RASGRF1: variants seen among roughly 807,000 people sequenced by gnomAD.
RASGRF1 encodes the protein Ras protein specific guanine nucleotide releasing factor 1, also known as ras-specific guanine nucleotide-releasing factor 1.
A neutral mutation model predicts 138.7 loss-of-function variants in RASGRF1; 40 were observed. The ratio of observed to expected loss-of-function variants is 0.29; its 90% confidence interval spans 0.22 to 0.38. RASGRF1 has a LOEUF of 0.38. RASGRF1 is among the 10% of genes least tolerant of loss of function. The pLI is 1.00. For missense variants in RASGRF1, 1,108 were observed against 1,650.4 expected (o/e 0.67, Z 5.69); for synonymous variants, 614 against 663.2 (o/e 0.93, Z 1.14).
At chr15:79,000,015 C>T in intron 16 of RASGRF1, 102 bp from the exon 17 acceptor site, 1 of 1,265,164 alleles carries the variant, frequency 7.9e-7, no homozygotes, top group Non-Finnish European at 1.1e-6. Context: ...TAAGAGCCAG[C>T]AGGCTGTGTC....
At chr15:79,007,239 C>A (rs2056696897) in intron 13 of RASGRF1, among the ~76,000 whole-genome samples, 1 of 152,194 alleles carries the variant, frequency 6.6e-6, no homozygotes, top group Non-Finnish European at 1.5e-5. Context: ...TGCTTGTGAA[C>A]TTGAGGTCAG....
chr15:79,035,224 C>T lies in RASGRF1; in HGVS notation c.879-14G>A. 3.7e-6 allele frequency: 6 copies of T among 1,606,924 alleles called. No homozygotes were observed. The highest frequency in any genetic ancestry group is 5.1e-6 in the Non-Finnish European group (6 of 1,174,998). The stretch of plus-strand genomic sequence containing the variant: ...ATGATGGTTTCGCTGAAAGAGAAAG[C>T]ACAGGGTCAGCTCTGCCCCAGGGAC... On this transcript the variant is annotated splice_polypyrimidine_tract_variant and intron_variant, in intron 5 of 26. Transcript: ENST00000558480.
At chr15:79,033,209 G>A (rs1450946722) in intron 6 of RASGRF1, among the ~76,000 whole-genome samples, 1 of 152,106 alleles carries the variant, frequency 6.6e-6, no homozygotes, top group African/African-American at 2.4e-5. Context: ...GATTTGATAG[G>A]CTGGGATGGG....
chr15:78,965,171 A>G (rs567487863), intron 26 of RASGRF1, among the ~76,000 whole-genome samples: 8 of 152,342 alleles, frequency 5.3e-5, no homozygotes, highest in African/African-American at 1.7e-4. Context: ...CTGTCAGCAG[A>G]GTAGGCTTGT....
In RASGRF1 at chr15:79,006,091, A is replaced by AG. The variant is rs1371233095; in HGVS notation, c.2075+94_2075+95insC. 4.4e-5 allele frequency: 68 copies of AG among 1,536,410 alleles called. No homozygotes were observed. The highest frequency in any genetic ancestry group is 5.8e-5 in the Non-Finnish European group (65 of 1,127,716). ...ACACGTTACTGCTGCTCCTCCAGGG[A>AG]CCTTCCAGGTCACCCCCCGGCCCCG... On this transcript the variant is annotated intron_variant, in intron 14 of 26. Coordinates refer to ENST00000558480, the MANE Select transcript of RASGRF1 (RefSeq NM_001145648.3). This position sits in a 1 kb window ranked among gnomAD's most constrained non-coding sequence, Gnocchi z 4.0.
chr15:79,028,053 G>A (rs1216122479), intron 8 of RASGRF1, among the ~76,000 whole-genome samples, 194 bp from the exon 9 acceptor site: 1 of 152,166 alleles, frequency 6.6e-6, no homozygotes, highest in African/African-American at 2.4e-5. Flanking sequence ...TCATAGGCAC[G>A]ACCTCATTTT....
At chr15:78,971,168 C>A (rs575622501) in intron 26 of RASGRF1, among the ~76,000 whole-genome samples, 1 of 152,194 alleles carries the variant, frequency 6.6e-6, no homozygotes, top group South Asian at 2.1e-4. Context: ...GCAGCACAGA[C>A]CCTGGGATCC....
At position 78,962,134 on chromosome 15, in the gene RASGRF1, G is replaced by A. The variant is rs1327564547; in HGVS notation, c.*10C>T. ...CCCCGGGAGCAGCTGGGTCTGGGCT[G>A]GGCTCAGCTTCAGGTGGGGAGTTTT... is the stretch of plus-strand genomic sequence containing the variant. On this transcript the variant is annotated 3_prime_UTR_variant, in exon 27 of 27. Coordinates refer to ENST00000558480, the MANE Select transcript of RASGRF1 (RefSeq NM_001145648.3). 1 of 1,519,110 alleles carries A rather than the reference G, an allele frequency of 6.6e-7. No individual in the cohort carries two copies. The allele number at this position is 1,519,110 out of a possible 1,614,324, so 94.1% of individuals were successfully genotyped here.
chr15:79,084,318 C>T (rs527340078), intron 1 of RASGRF1, among the ~76,000 whole-genome samples: 22 of 150,668 alleles, frequency 1.5e-4, no homozygotes, highest in African/African-American at 4.9e-4. Flanking sequence ...CTAGTGTAGA[C>T]GAGCCGCCAA....
At chr15:79,086,882 A>G (rs142711290) in intron 1 of RASGRF1, among the ~76,000 whole-genome samples, 322 of 152,312 alleles carry the variant, frequency 2.1e-3, no homozygotes, top group Admixed American at 2.9e-3. Context: ...GGGAAGATGA[A>G]CCCAAGCTCT....
intron 13 of RASGRF1, among the ~76,000 whole-genome samples, chr15:79,015,071 A>G (rs185548464): frequency 2.0e-5 from 3 of 152,286 alleles, no homozygotes; most frequent in African/African-American, 7.2e-5. Context: ...ATGTAACCAA[A>G]TATCACCTGT....
At chr15:79,002,844 C>G (rs2056565981) in intron 15 of RASGRF1, among the ~76,000 whole-genome samples, 2 of 152,232 alleles carry the variant, frequency 1.3e-5, no homozygotes, top group Admixed American at 1.3e-4. Flanking sequence ...TGCCTTCCCT[C>G]TTGCCAGCTC....
At chr15:78,977,748 G>T (rs925535169) in intron 24 of RASGRF1, among the ~76,000 whole-genome samples, 1 of 152,236 alleles carries the variant, frequency 6.6e-6, no homozygotes, top group Non-Finnish European at 1.5e-5. Context: ...TGTCCCCCGT[G>T]TTCCTCTAAA....
intron 4 of RASGRF1, among the ~76,000 whole-genome samples, chr15:79,047,293 T>C (rs191844158): frequency 6.6e-6 from 1 of 152,240 alleles, no homozygotes; most frequent in Non-Finnish European, 1.5e-5. Flanking sequence ...GAAGAGCTTA[T>C]TGGAAATGCA....
Position 79,020,095 on chromosome 15 carries a change from T to C in RASGRF1, c.1552A>G (p.Ile518Val), listed in dbSNP as rs1181205256. ...AATAAAGTGCAGTCAATGAGGGATA[T>C]GACTCCATTCTGAAAAAGAGCAGCA... ...GKLHLTKNGV[I>V]SLIDCTLLEE... Residue 518 changes from isoleucine (I) to valine (V), a missense_variant, in exon 11 of 27, where the codon ATA becomes GTA. Physicochemically the swap from Ile to Val is conservative, Grantham distance 29. This residue lies in a region of RASGRF1 where 686 missense variants were observed against 976.7 expected (regional missense o/e 0.70). Transcript: ENST00000558480. The C allele has an allele frequency of 1.2e-6, 2 of 1,614,036 alleles. No homozygotes were observed. Among genetic ancestry groups the C allele is most frequent in the East Asian group, 4.5e-5 (2 of 44,890 alleles).
At position 78,999,909 on chromosome 15, in the gene RASGRF1, G is replaced by A. The variant is rs2056482490; in HGVS notation, c.2580C>T (p.Phe860=). The A allele has an allele frequency of 3.7e-6, 6 of 1,613,810 alleles. No individual in the cohort carries two copies. The highest frequency in any genetic ancestry group is 1.7e-5 in the Admixed American group (1 of 59,994). The change falls in exon 17 of 27, where the codon TTC becomes TTT. Residue 860 remains phenylalanine (F), a synonymous_variant. Coordinates refer to ENST00000558480, the MANE Select transcript of RASGRF1 (RefSeq NM_001145648.3). ...CTCCATTGTTATAGGAAAAGAGTGG[G>A]AACTCTGCAGAGAGGAGGGAACCAA... The part of the protein sequence containing the change: ...KSVKNKNSSE[F]PLFSYNNGVV...
In RASGRF1 at chr15:79,064,525, T is replaced by C; in HGVS notation, c.278A>G (p.His93Arg). Residue 93 changes from histidine to arginine, a missense_variant and splice_region_variant, in exon 2 of 27, where the codon CAT becomes CGT. Physicochemically the swap from His to Arg is conservative, Grantham distance 29 (BLOSUM62 0). Coordinates refer to ENST00000558480, the MANE Select transcript of RASGRF1 (RefSeq NM_001145648.3). The stretch of plus-strand genomic sequence containing the variant: ...ATGGCTGAAGTTCACCGTGAAGTAA[T>C]GCTGTATCAAGAAGAAGACATCTCC... Reference protein sequence around the residue: ...LSAKEPLEKQHYFTVNFSHEN... With the variant: ...LSAKEPLEKQRYFTVNFSHEN... 6.2e-7 allele frequency: 1 copy of C among 1,613,678 alleles called. No individual in the cohort carries two copies. Among genetic ancestry groups the C allele is most frequent in the South Asian group, 1.1e-5 (1 of 91,076 alleles).
At chr15:79,037,391 G>A (rs1484924531) in intron 5 of RASGRF1, among the ~76,000 whole-genome samples, 2 of 152,010 alleles carry the variant, frequency 1.3e-5, no homozygotes, top group African/African-American at 4.8e-5. Flanking sequence ...GAGGTGCGGT[G>A]GGGAGATGGT....
intron 26 of RASGRF1, among the ~76,000 whole-genome samples, chr15:78,968,883 CT>C (rs751865702): frequency 2.0e-5 from 3 of 152,302 alleles, no homozygotes; most frequent in East Asian, 3.9e-4. Flanking sequence ...TTCTCCACCC[CT>C]GATACCCGAA....
Sources: gnomAD v4.1 joint callset for allele counts (sites outside exome capture counted in the v4.1 genomes callset) on GRCh38, gnomAD v4.1.1 for gene constraint, gnomAD v4.1.1 regional missense constraint, Gnocchi (gnomAD v3.1) non-coding constraint, MANE v1.5 for transcripts, NCBI Gene and HGNC (gene_info 2026-07-23, HGNC 2026-07-21) for gene names.